SAFB2: variants seen among roughly 807,000 people sequenced by gnomAD.
The protein encoded by SAFB2 is scaffold attachment factor B2.
In SAFB2, 32 loss-of-function variants were observed where a neutral mutation model predicts 100.6. The ratio of observed to expected loss-of-function variants is 0.32; its 90% CI spans 0.24 to 0.43. SAFB2 has a LOEUF of 0.43. SAFB2 is among the 20% of genes least tolerant of loss of function. The pLI is 1.00. For synonymous variants in SAFB2, 500 were observed against 439.4 expected, an observed-to-expected ratio of 1.14 and a Z score of -1.72; for missense variants, 1,185 against 1,163.4, an observed-to-expected ratio of 1.02 and a Z score of -0.27.
chr19:5,613,475 T>C lies in SAFB2; in HGVS notation c.596A>G (p.Lys199Arg), dbSNP rs768813457. The C allele has an allele frequency of 4.9e-5, 79 of 1,613,386 alleles. No individual in the cohort carries two copies. The highest frequency in any genetic ancestry group is 5.7e-5 in the Non-Finnish European group (67 of 1,179,676). Residue 199 changes from lysine (K) to arginine (R), a missense_variant, in exon 5 of 21, where the codon AAA becomes AGA. By Grantham distance (26) the Lys-to-Arg change is conservative. Transcript: ENST00000252542. ...NTLETSSLNF[K>R]VTPDIEESLL... ...CAGATGGTAACTTACCGGAGTTACT[T>C]TGAAGTTCAACGATGAAGTTTCCAA...
chr19:5,622,628 G>A lies in SAFB2; in HGVS notation c.88C>T (p.Leu30Phe), dbSNP rs766230266. 3.7e-6 allele frequency: 6 copies of A among 1,611,862 alleles called. No homozygotes were observed. Among genetic ancestry groups the A allele is most frequent in the South Asian group, 3.3e-5 (3 of 90,976 alleles). Residue 30 changes from leucine to phenylalanine, a missense_variant, in exon 1 of 21, where the codon CTC (leucine) becomes TTC (phenylalanine). By Grantham distance (22) the Leu-to-Phe change is conservative (BLOSUM62 0). This residue lies in a region of SAFB2 where 351 missense variants were observed against 341.2 expected (regional missense o/e 1.03). Coordinates refer to ENST00000252542, the MANE Select transcript of SAFB2 (RefSeq NM_014649.3). ...AGATCGATCACCCGCAGCTCGCTGA[G>A]CCGCCTCGTCCCAGTCTCCGCAACG... is the stretch of plus-strand genomic sequence containing the variant. ...PGVAETGTRR[L>F]SELRVIDLRA...
Position 5,612,587 on chromosome 19 carries a change from CA to C in SAFB2, c.607-21del. 6.2e-7 allele frequency: 1 copy of C among 1,608,508 alleles called. No homozygotes were observed. Among genetic ancestry groups the C allele is most frequent in the Non-Finnish European group, 8.5e-7 (1 of 1,176,068 alleles). ...AATGTCCTATTTAAAAAAGAAAAAG[CA>C]AATCCACAAGTCACTTTAAACACGG... On this transcript the variant is annotated intron_variant, in intron 5 of 20. Transcript: ENST00000252542.
At chr19:5,604,521 A>G (rs1180631099) in intron 11 of SAFB2, 62 bp downstream of exon 11, 15 of 1,273,814 alleles carry the variant, frequency 1.2e-5, no homozygotes, top group Admixed American at 5.4e-5. Flanking sequence ...TTCAAGGCCC[A>G]TGGTGGCTGC....
chr19:5,600,118 G>C lies in SAFB2; in HGVS notation c.1690+12C>G, dbSNP rs372200294. 9.3e-6 allele frequency: 15 copies of C among 1,605,962 alleles called. No homozygotes were observed. In the African/African-American group the frequency reaches 1.8e-4, roughly 19 times the overall value. On this transcript the variant is annotated intron_variant, in intron 12 of 20. Coordinates refer to ENST00000252542, the MANE Select transcript of SAFB2 (RefSeq NM_014649.3). ...CCTTCCCCTTCCACAGCTCTTAAAA[G>C]GCTCTCCTCACCTGATTTGGTGACT...
At chr19:5,613,054 C>A (rs1395867819) in intron 5 of SAFB2, among the ~76,000 whole-genome samples, 2 of 152,238 alleles carry the variant, frequency 1.3e-5, no homozygotes, top group African/African-American at 4.8e-5. Context: ...CCAGACTCAG[C>A]GAGGCGGGCC....
At chr19:5,594,687 G>A (rs568426992) in intron 14 of SAFB2, among the ~76,000 whole-genome samples, 19 of 152,232 alleles carry the variant, frequency 1.2e-4, no homozygotes, top group Non-Finnish European at 2.5e-4. Context: ...CCTTCCACAC[G>A]GGCCAAGGTC....
intron 4 of SAFB2, 87 bp downstream of exon 4, chr19:5,616,045 G>T: frequency 1.6e-6 from 2 of 1,228,232 alleles, no homozygotes; most frequent in Non-Finnish European, 2.4e-6. Flanking sequence ...TGGCGGTTTA[G>T]CTGTGTTCTC....
chr19:5,596,065 C>T (rs191516274), intron 13 of SAFB2, among the ~76,000 whole-genome samples: 69 of 152,270 alleles, frequency 4.5e-4, no homozygotes, highest in Non-Finnish European at 7.8e-4. Flanking sequence ...GAGTTCGAGA[C>T]CAGCCTGACC....
chr19:5,615,693 C>G (rs2053012020), intron 4 of SAFB2, among the ~76,000 whole-genome samples: 1 of 152,156 alleles, frequency 6.6e-6, no homozygotes. Flanking sequence ...CAGAGCAAGA[C>G]CCTGTCTCTA....
intron 16 of SAFB2, 42 bp downstream of exon 16, chr19:5,592,705 C>T: frequency 6.2e-7 from 1 of 1,609,176 alleles, no homozygotes; most frequent in Non-Finnish European, 8.5e-7. Context: ...TGCCCCGGTG[C>T]CCACAATGAC....
chr19:5,609,248 G>C (rs749854284), intron 9 of SAFB2, among the ~76,000 whole-genome samples: 6 of 149,380 alleles, frequency 4.0e-5, no homozygotes, highest in Non-Finnish European at 7.4e-5. Flanking sequence ...CTAGTTATGA[G>C]ACTATATACT....
At chr19:5,602,735 T>C (rs1051112744) in intron 11 of SAFB2, among the ~76,000 whole-genome samples, 5 of 152,232 alleles carry the variant, frequency 3.3e-5, no homozygotes, top group Middle Eastern at 6.8e-3. Context: ...AGCTAATTAT[T>C]ACCGCCTTTC....
chr19:5,596,118 C>T (rs1475446550), intron 13 of SAFB2, among the ~76,000 whole-genome samples: 1 of 152,174 alleles, frequency 6.6e-6, no homozygotes, highest in Non-Finnish European at 1.5e-5. Context: ...CAAAAATTAG[C>T]TAGGCGTGGT....
At position 5,621,349 on chromosome 19, in the gene SAFB2, TA is replaced by T; in HGVS notation, c.233del (p.Leu78Ter). 1 of 1,613,934 alleles carries T rather than the reference TA, an allele frequency of 6.2e-7. No individual in the cohort carries two copies. Among genetic ancestry groups the T allele is most frequent in the Non-Finnish European group, 8.5e-7 (1 of 1,179,766 alleles). ...GQDPDEIGIE[L>X]EATSKKSAKR... ...TGGCTGACTTCTTGCTGGTGGCTTCTAACTCGATGCCAATTTCATCAGGATC... is the reference window on the plus strand; with the variant it reads ...TGGCTGACTTCTTGCTGGTGGCTTCTACTCGATGCCAATTTCATCAGGATC... On this transcript the variant is annotated frameshift_variant, in exon 2 of 21. Coordinates refer to ENST00000252542, the MANE Select transcript of SAFB2 (RefSeq NM_014649.3). LOFTEE classifies it high-confidence loss of function.
Position 5,587,949 on chromosome 19 carries a change from G to T in SAFB2, c.2557C>A (p.Arg853=). Residue 853 remains arginine, a synonymous_variant, in exon 19 of 21, where the codon CGG becomes AGG. Coordinates refer to ENST00000252542, the MANE Select transcript of SAFB2 (RefSeq NM_014649.3). The surrounding 1 kb of genome is among the most constrained non-coding windows in gnomAD (Gnocchi z 4.9). ...GGRDWGEHNQ[R]LEEHQARAWQ... is the part of the protein sequence containing the mutation. The stretch of plus-strand genomic sequence containing the variant: ...GCGCGTGCCTGGTGCTCCTCTAGCC[G>T]CTGGTTGTGCTCTCCCCAGTCACGG... 1 of 1,612,844 alleles carries T rather than the reference G, an allele frequency of 6.2e-7. No individual in the cohort carries two copies. Among genetic ancestry groups the T allele is most frequent in the Non-Finnish European group, 8.5e-7 (1 of 1,179,846 alleles).
rs561271034 is a variant in SAFB2, at chr19:5,587,344, C to T, written c.2761G>A (p.Gly921Arg). Residue 921 changes from glycine (G) to arginine (R), a missense_variant, in exon 21 of 21, where the codon GGA (glycine) becomes AGA (arginine). By Grantham distance (125) the Gly-to-Arg change is moderately radical. Around this residue, in one of 3 missense-constraint regions of SAFB2, gnomAD observed 740 missense variants for 687.1 expected, o/e 1.08. Coordinates refer to ENST00000252542, the MANE Select transcript of SAFB2 (RefSeq NM_014649.3). This position sits in a 1 kb window ranked among gnomAD's most constrained non-coding sequence, Gnocchi z 4.9. ...CTGGCCACTCCGCCACCTTCCAGTC[C>T]GCCACCTGGCACCACGTGGCCCTGG... ...HSQGHVVPGG[G>R]LEGGGVASQD... 11 of 1,613,264 alleles carry T rather than the reference C, an allele frequency of 6.8e-6. No homozygotes were observed. Among genetic ancestry groups the T allele is most frequent in the Admixed American group, 1.7e-5 (1 of 59,928 alleles).
At chr19:5,590,728 G>A (rs776792587) in intron 17 of SAFB2, among the ~76,000 whole-genome samples, 5 of 152,200 alleles carry the variant, frequency 3.3e-5, no homozygotes, top group Non-Finnish European at 7.3e-5. Context: ...TGAGAAGTTG[G>A]GCGCCGCCTC....
In SAFB2 at chr19:5,622,476, G is replaced by C. The variant is rs905999568; in HGVS notation, c.186+54C>G. The C allele has an allele frequency of 2.5e-5, 37 of 1,478,660 alleles. 1 individual carries two copies. In the South Asian group the frequency reaches 2.7e-4, roughly 11 times the overall value. 91.6% of individuals were successfully genotyped at this position (1,478,660 alleles called of 1,614,324 possible). On this transcript the variant is annotated intron_variant, in intron 1 of 20. Coordinates refer to ENST00000252542, the MANE Select transcript of SAFB2 (RefSeq NM_014649.3). Reference sequence around the variant, plus strand: ...TCCGGGAGCCGCGGTGACAGGTGCAGGCGGGGGCGTGCCCGGGCCTCCTGC... The same window carrying C: ...TCCGGGAGCCGCGGTGACAGGTGCACGCGGGGGCGTGCCCGGGCCTCCTGC...
chr19:5,610,520 G>C, intron 8 of SAFB2, 119 bp downstream of exon 8: 1 of 746,662 alleles, frequency 1.3e-6, no homozygotes, highest in Non-Finnish European at 2.2e-6. Flanking sequence ...TTAGGTGGTT[G>C]ATTCCGGTAA....
Sources: gnomAD v4.1 joint callset for allele counts (sites outside exome capture counted in the v4.1 genomes callset) on GRCh38, gnomAD v4.1.1 for gene constraint, gnomAD v4.1.1 regional missense constraint, Gnocchi (gnomAD v3.1) non-coding constraint, MANE v1.5 for transcripts, NCBI Gene and HGNC (gene_info 2026-07-23, HGNC 2026-07-21) for gene names.